The following PCDHGB3 variants were observed in gnomAD, a reference collection of about 807,000 sequenced individuals.
PCDHGB3 encodes the protein protocadherin gamma subfamily B, 3.
In PCDHGB3, 40 loss-of-function variants were observed where a neutral mutation model predicts 59.2. The observed-to-expected ratio is 0.68, with a 90% CI of 0.52 to 0.88. PCDHGB3 has a LOEUF of 0.88. PCDHGB3 is among the 40% of genes least tolerant of loss of function. PCDHGB3 has a pLI of 0.00. For missense variants in PCDHGB3, 1,309 were observed against 1,187.9 expected, an observed-to-expected ratio of 1.10 and a Z score of -1.50; for synonymous variants, 581 against 503.6, an observed-to-expected ratio of 1.15 and a Z score of -2.06.
intron 1 of PCDHGB3, among the ~76,000 whole-genome samples, chr5:141,457,755 A>G (rs1011599369): frequency 2.0e-5 from 3 of 152,226 alleles, no homozygotes; most frequent in African/African-American, 4.8e-5. Flanking sequence ...GAGCCCAGAC[A>G]TGGGTTTGTA....
At chr5:141,481,860 G>A (rs1379910129) in intron 1 of PCDHGB3, among the ~76,000 whole-genome samples, 1 of 148,492 alleles carries the variant, frequency 6.7e-6, no homozygotes, top group Non-Finnish European at 1.5e-5. Context: ...GTTGCAGTGA[G>A]CCGAGATCGC....
At chr5:141,456,918 G>C (rs535602842) in intron 1 of PCDHGB3, among the ~76,000 whole-genome samples, 49 of 152,124 alleles carry the variant, frequency 3.2e-4, no homozygotes, top group African/African-American at 1.2e-3. Context: ...AGCCGAGATC[G>C]CACCACTGCA....
At chr5:141,405,377 G>T (rs763495028) in intron 1 of PCDHGB3, 29 of 1,603,350 alleles carry the variant, frequency 1.8e-5, no homozygotes, top group Admixed American at 3.5e-5. Flanking sequence ...TTTGGTTCCG[G>T]TGAGTTCATT....
At chr5:141,433,926 A>T (rs2154556019) in intron 1 of PCDHGB3, among the ~76,000 whole-genome samples, 1 of 151,830 alleles carries the variant, frequency 6.6e-6, no homozygotes, top group African/African-American at 2.4e-5. Context: ...CCAAATGAAG[A>T]TTTTATAATT....
At chr5:141,399,597 C>A in intron 1 of PCDHGB3, 3 of 1,613,958 alleles carry the variant, frequency 1.9e-6, no homozygotes, top group Non-Finnish European at 2.5e-6. Context: ...TCATGGCCAG[C>A]GACCTAGAGC....
At chr5:141,384,541 C>T in intron 1 of PCDHGB3, 2 of 1,614,264 alleles carry the variant, frequency 1.2e-6, no homozygotes, top group Non-Finnish European at 1.7e-6. Context: ...CAACATGTCA[C>T]TGAGCCTGTT....
rs2099706000 is a variant in PCDHGB3 at position 141,490,911 on chromosome 5, G to A, written c.2416-3896G>A. 1 of 1,613,722 alleles carries A rather than the reference G, an allele frequency of 6.2e-7. No individual in the cohort carries two copies. Among genetic ancestry groups the A allele is most frequent in the Non-Finnish European group, 8.5e-7 (1 of 1,179,746 alleles). Reference sequence around the variant, plus strand: ...CTCTGCATGTGTTTGTCCTAGACGAGAATGATAATGCCCCAGCTGTGCTGC... The same window carrying A: ...CTCTGCATGTGTTTGTCCTAGACGAAAATGATAATGCCCCAGCTGTGCTGC... On this transcript the variant is annotated intron_variant, in intron 1 of 3. Coordinates refer to ENST00000576222, the MANE Select transcript of PCDHGB3 (RefSeq NM_018924.5). This position sits in a 1 kb window ranked among gnomAD's most constrained non-coding sequence, Gnocchi z 5.4.
At chr5:141,400,773 T>A in intron 1 of PCDHGB3, 1 of 572,450 alleles carries the variant, frequency 1.7e-6, no homozygotes, top group East Asian at 2.9e-5. Flanking sequence ...AAACATTTGG[T>A]GCGTTTTTTT....
intron 1 of PCDHGB3, chr5:141,420,411 T>C: frequency 8.1e-7 from 1 of 1,229,398 alleles, no homozygotes; most frequent in Non-Finnish European, 1.1e-6. Context: ...ATGGTTATCA[T>C]TATTAAAACA....
At chr5:141,408,608 A>C in intron 1 of PCDHGB3, 1 of 1,614,072 alleles carries the variant, frequency 6.2e-7, no homozygotes, top group South Asian at 1.1e-5. Context: ...ATTTGATAAA[A>C]AGGAAATACA....
rs748950800 is a variant in PCDHGB3, at chr5:141,476,983, C to T, written c.2416-17824C>T. ...ACTCCTTCGGCAGCCACAACCGCGC[C>T]GGCGTGCGGCAACTATTCGCCTTAG... On this transcript the variant is annotated intron_variant, in intron 1 of 3. Transcript: ENST00000576222. The surrounding 1 kb of genome is among the most constrained non-coding windows in gnomAD (Gnocchi z 7.6). 12 of 1,614,096 alleles carry T rather than the reference C, an allele frequency of 7.4e-6. No individual in the cohort carries two copies. The highest frequency in any genetic ancestry group is 8.5e-7 in the Non-Finnish European group (1 of 1,180,046).
chr5:141,428,886 G>T (rs1002869474), intron 1 of PCDHGB3: 3 of 149,710 alleles, frequency 2.0e-5, no homozygotes, highest in Non-Finnish European at 2.9e-5. Context: ...ACGGAGTCTC[G>T]CTCTGTGGTC....
At chr5:141,421,224 T>G (rs1401875673) in intron 1 of PCDHGB3, 2 of 1,582,072 alleles carry the variant, frequency 1.3e-6, no homozygotes, top group Admixed American at 3.6e-5. Flanking sequence ...GCTTAGAGCC[T>G]GCCATGGCGA....
chr5:141,384,752 C>A, intron 1 of PCDHGB3: 1 of 1,614,024 alleles, frequency 6.2e-7, no homozygotes, highest in East Asian at 2.2e-5. Flanking sequence ...GGACTCTTTG[C>A]GGTTGGGCTG....
intron 1 of PCDHGB3, among the ~76,000 whole-genome samples, chr5:141,456,266 C>G (rs1273258132): frequency 6.6e-6 from 1 of 152,128 alleles, no homozygotes; most frequent in Non-Finnish European, 1.5e-5. Context: ...TTGCTTCTGG[C>G]TACTTCCTGC....
At chr5:141,389,227 C>A (rs1412412051) in intron 1 of PCDHGB3, 1 of 1,613,906 alleles carries the variant, frequency 6.2e-7, no homozygotes, top group Non-Finnish European at 8.5e-7. Context: ...GACAACGCTC[C>A]GGTTTTCTCA....
At chr5:141,399,833 C>A in intron 1 of PCDHGB3, 1 of 1,613,140 alleles carries the variant, frequency 6.2e-7, no homozygotes, top group Non-Finnish European at 8.5e-7. Context: ...GACGGCTCTG[C>A]GCTCTTCGAT....
At chr5:141,426,767 A>G (rs1219028777) in intron 1 of PCDHGB3, 1 of 456,548 alleles carries the variant, frequency 2.2e-6, no homozygotes, top group Admixed American at 2.3e-5. Flanking sequence ...ATGCAGATGT[A>G]GGGCCTCACT....
intron 2 of PCDHGB3, among the ~76,000 whole-genome samples, chr5:141,495,811 G>A (rs1164360438): frequency 1.3e-5 from 2 of 151,710 alleles, no homozygotes; most frequent in Admixed American, 1.3e-4. Flanking sequence ...GTTTCCTAGC[G>A]CCTTGTGTTC....
Sources: gnomAD v4.1 joint callset for allele counts (sites outside exome capture counted in the v4.1 genomes callset) on GRCh38, gnomAD v4.1.1 for gene constraint, Gnocchi (gnomAD v3.1) non-coding constraint, MANE v1.5 for transcripts, NCBI Gene and HGNC (gene_info 2026-07-23, HGNC 2026-07-21) for gene names.